Variants in PTPN4 observed in about 807,000 individuals in gnomAD.
PTPN4 encodes tyrosine-protein phosphatase non-receptor type 4.
PTPN4 carries 49 observed loss-of-function variants against 135.5 expected under a neutral mutation model. The observed-to-expected ratio is 0.36, with a 90% CI of 0.29 to 0.46. The LOEUF is 0.46. Among genes scored for constraint, PTPN4 ranks in the 20% least tolerant of loss-of-function variants. PTPN4 has a pLI of 1.00. For missense variants in PTPN4, 860 were observed against 1,101.0 expected (o/e 0.78, Z 3.10); for synonymous variants, 333 against 369.9 (o/e 0.90, Z 1.14).
rs763981457 is a variant in PTPN4, at chr2:119,945,114, A to T, written c.1389A>T (p.Pro463=). The T allele has an allele frequency of 6.2e-7, 1 of 1,607,826 alleles. No homozygotes were observed. Among genetic ancestry groups the T allele is most frequent in the Non-Finnish European group, 8.5e-7 (1 of 1,177,892 alleles). The change falls in exon 16 of 27, where the codon CCA becomes CCT. Residue 463 remains proline, a synonymous_variant. Coordinates refer to ENST00000263708, the MANE Select transcript of PTPN4 (RefSeq NM_002830.4). ...SQETPGDGKP[P]ALPPKQSKKN... is the part of the protein sequence containing the mutation. Reference sequence around the variant, plus strand: ...AGACCCCTGGAGATGGGAAGCCTCCAGCTTTACCACCCAAACAGTCAAAGA... The same window carrying T: ...AGACCCCTGGAGATGGGAAGCCTCCTGCTTTACCACCCAAACAGTCAAAGA...
At chr2:119,904,875 T>A (rs373068306) in intron 10 of PTPN4, among the ~76,000 whole-genome samples, 217 of 152,240 alleles carry the variant, frequency 1.4e-3, no homozygotes, top group African/African-American at 4.6e-3. Context: ...CACCACTAGA[T>A]GGATCTCACA....
intron 1 of PTPN4, among the ~76,000 whole-genome samples, chr2:119,764,083 A>C (rs1690562966): frequency 6.6e-6 from 1 of 152,224 alleles, no homozygotes; most frequent in South Asian, 2.1e-4. Context: ...TTATGTCTGA[A>C]AGGATCCCCT....
At chr2:119,959,037 G>A (rs746522589) in intron 22 of PTPN4, among the ~76,000 whole-genome samples, 13 of 152,124 alleles carry the variant, frequency 8.5e-5, no homozygotes, top group Non-Finnish European at 1.5e-4. Context: ...AACAAAATGA[G>A]TTGGTTTGTT....
chr2:119,923,967 C>G (rs1399841304), intron 12 of PTPN4, among the ~76,000 whole-genome samples: 1 of 151,896 alleles, frequency 6.6e-6, no homozygotes, highest in Non-Finnish European at 1.5e-5. Context: ...GAAACCCTGT[C>G]TCTACTAAAA....
chr2:119,932,668 A>G (rs926010586), intron 14 of PTPN4, 119 bp downstream of exon 14: 1 of 1,224,240 alleles, frequency 8.2e-7, no homozygotes, highest in Non-Finnish European at 1.1e-6. Flanking sequence ...TTGGTGAAAC[A>G]TGATTTTTGT....
At chr2:119,865,623 A>G (rs1474138907) in intron 3 of PTPN4, among the ~76,000 whole-genome samples, 3 of 152,076 alleles carry the variant, frequency 2.0e-5, no homozygotes, top group South Asian at 2.1e-4. Context: ...GGAGGTAACC[A>G]TATAATAAAA....
At chr2:119,975,028 C>T (rs1384693737) in intron 26 of PTPN4, among the ~76,000 whole-genome samples, 1 of 152,114 alleles carries the variant, frequency 6.6e-6, no homozygotes, top group Non-Finnish European at 1.5e-5. Flanking sequence ...AAGAGTTTTC[C>T]TTTTTTTCAC....
intron 26 of PTPN4, 46 bp downstream of exon 26, chr2:119,968,018 A>C: frequency 7.4e-7 from 1 of 1,355,022 alleles, no homozygotes; most frequent in South Asian, 1.8e-5. Flanking sequence ...TAACATGATG[A>C]TTTTTGTTGC....
chr2:119,943,308 G>A (rs1389982674), intron 15 of PTPN4, among the ~76,000 whole-genome samples: 1 of 152,138 alleles, frequency 6.6e-6, no homozygotes, highest in Non-Finnish European at 1.5e-5. Context: ...CTCTACAAGG[G>A]AGAACAGATG....
chr2:119,844,185 GC>G, intron 2 of PTPN4, among the ~76,000 whole-genome samples: 1 of 122,776 alleles, frequency 8.1e-6, no homozygotes. Flanking sequence ...GGACGGGGCG[GC>G]TGGCCGGGCA....
At chr2:119,845,259 G>GGAGGGGGAGGGAGAGGGA (rs1677477055) in intron 2 of PTPN4, among the ~76,000 whole-genome samples, 1 of 71,472 alleles carries the variant, frequency 1.4e-5, no homozygotes, top group Admixed American at 1.4e-4. Context: ...AGGGGGAGGG[G>GGAGGGGGAGGGAGAGGGA]GAGGGGGAGG....
At chr2:119,869,308 G>T (rs1574379133) in intron 3 of PTPN4, among the ~76,000 whole-genome samples, 1 of 152,288 alleles carries the variant, frequency 6.6e-6, no homozygotes, top group East Asian at 1.9e-4. Context: ...GGATGGTGGT[G>T]GTTACCTGGC....
Position 119,809,874 on chromosome 2 carries a change from G to C in PTPN4, c.21G>C (p.Leu7Phe), listed in dbSNP as rs778359993. 1.9e-6 allele frequency: 3 copies of C among 1,608,644 alleles called. No homozygotes were observed. The Admixed American group carries it at 5.1e-5, about 27-fold the overall frequency. The change falls in exon 2 of 27, where the codon TTG becomes TTC. Residue 7 changes from leucine to phenylalanine, a missense_variant. This residue lies in a region of PTPN4 where 684 missense variants were observed against 807.0 expected (regional missense o/e 0.85). Transcript: ENST00000263708. MTSRFR[L>F]PAGRTYNVRA... ...CAGTAATGACCTCACGTTTCCGATT[G>C]CCTGCTGGCAGAACCTACAATGTAC... is the stretch of plus-strand genomic sequence containing the variant.
chr2:119,809,833 T>G lies in PTPN4; in HGVS notation c.-17-4T>G. 1 of 1,563,392 alleles carries G rather than the reference T, an allele frequency of 6.4e-7. No homozygotes were observed. The highest frequency in any genetic ancestry group is 2.2e-5 in the Admixed American group (1 of 46,478). On this transcript the variant is annotated splice_polypyrimidine_tract_variant and splice_region_variant and intron_variant, in intron 1 of 26. Transcript: ENST00000263708. ...TTTAGTGAATTTTTTTTTTTTTAAC[T>G]TAGACTTTGTGTGGACAGTAATGAC...
chr2:119,766,207 T>G (rs991540892), intron 1 of PTPN4, among the ~76,000 whole-genome samples: 2 of 152,234 alleles, frequency 1.3e-5, no homozygotes, highest in African/African-American at 4.8e-5. Flanking sequence ...ATTATTATTT[T>G]CTTTGTTGCC....
At chr2:119,846,174 T>C (rs1330719588) in intron 2 of PTPN4, among the ~76,000 whole-genome samples, 1 of 152,232 alleles carries the variant, frequency 6.6e-6, no homozygotes, top group African/African-American at 2.4e-5. Context: ...TATTGTTGGA[T>C]GGAGTGTTCT....
intron 2 of PTPN4, among the ~76,000 whole-genome samples, chr2:119,826,927 G>A (rs959375422): frequency 6.6e-6 from 1 of 152,162 alleles, no homozygotes; most frequent in Non-Finnish European, 1.5e-5. Flanking sequence ...TGCTTGGGAG[G>A]CTGAAGCAGA....
In PTPN4 at chr2:119,862,516, A is replaced by ATT. The variant is rs746106466; in HGVS notation, c.139-6_139-5dup. 3,739 of 1,339,740 alleles carry ATT rather than the reference A, an allele frequency of 2.8e-3. No homozygotes were observed. The highest frequency in any genetic ancestry group is 3.4e-3 in the South Asian group (260 of 76,754). 83.0% of individuals were successfully genotyped at this position (1,339,740 alleles called of 1,614,324 possible). A position where few individuals can be genotyped will look rare whatever the true frequency, so the allele number is the denominator to read the frequency against. ...AACCTATCAAAGTTGATTTCATTCA[A>ATT]TTTTTTTTTTTTTTTACAGAAACAT... On this transcript the variant is annotated intron_variant, in intron 2 of 26. Transcript: ENST00000263708.
intron 3 of PTPN4, among the ~76,000 whole-genome samples, chr2:119,865,423 G>C (rs1677817923): frequency 6.6e-6 from 1 of 152,012 alleles, no homozygotes; most frequent in Non-Finnish European, 1.5e-5. Flanking sequence ...TCATTTTAAA[G>C]ATGAAAAACT....
Sources: gnomAD v4.1 joint callset for allele counts (sites outside exome capture counted in the v4.1 genomes callset) on GRCh38, gnomAD v4.1.1 for gene constraint, gnomAD v4.1.1 regional missense constraint, MANE v1.5 for transcripts, NCBI Gene and HGNC (gene_info 2026-07-23, HGNC 2026-07-21) for gene names.